Variants in TFDP2 observed in about 807,000 individuals in gnomAD.
TFDP2 encodes transcription factor Dp-2, also known as transcription factor Dp-2 (E2F dimerization partner 2).
In TFDP2, 17 loss-of-function variants were observed where a neutral mutation model predicts 59.3. The observed-to-expected ratio is 0.29, with a 90% CI of 0.20 to 0.43. TFDP2 has a LOEUF of 0.43. Among genes scored for constraint, TFDP2 ranks in the 20% least tolerant of loss-of-function variants. The pLI is 1.00. For missense variants in TFDP2, 391 were observed against 528.8 expected, an observed-to-expected ratio of 0.74 and a Z score of 2.56; for synonymous variants, 180 against 194.7, an observed-to-expected ratio of 0.92 and a Z score of 0.63.
At chr3:142,098,622 G>A (rs1426893716) in intron 2 of TFDP2, among the ~76,000 whole-genome samples, 1 of 152,006 alleles carries the variant, frequency 6.6e-6, no homozygotes, top group East Asian at 1.9e-4. Flanking sequence ...ATACTAAAAA[G>A]GGGCCAGGTG....
chr3:142,072,548 C>G (rs2060283161), intron 3 of TFDP2, among the ~76,000 whole-genome samples: 1 of 152,166 alleles, frequency 6.6e-6, no homozygotes, highest in Non-Finnish European at 1.5e-5. Context: ...GGAATCCATA[C>G]TCTGGAAAAA....
At chr3:141,982,857 T>C (rs890684966) in intron 6 of TFDP2, among the ~76,000 whole-genome samples, 5 of 152,194 alleles carry the variant, frequency 3.3e-5, no homozygotes, top group African/African-American at 7.2e-5. Flanking sequence ...TGAAGAAAAC[T>C]TGGTTAAATA....
intron 8 of TFDP2, among the ~76,000 whole-genome samples, 158 bp from the exon 9 acceptor site, chr3:141,970,299 G>A (rs1939518941): frequency 6.6e-6 from 1 of 152,102 alleles, no homozygotes; most frequent in African/African-American, 2.4e-5. Context: ...TAGGGGGCAG[G>A]GGCTGGAGTG....
chr3:142,004,450 G>GAGTT (rs1944061132), intron 4 of TFDP2, among the ~76,000 whole-genome samples: 2 of 152,160 alleles, frequency 1.3e-5, no homozygotes, highest in African/African-American at 2.4e-5. Flanking sequence ...CGGCAATGAA[G>GAGTT]AGTTATTGCT....
intron 3 of TFDP2, among the ~76,000 whole-genome samples, chr3:142,069,107 G>A (rs1027714596): frequency 6.6e-6 from 1 of 151,954 alleles, no homozygotes; most frequent in South Asian, 2.1e-4. Flanking sequence ...GTAGAGACGA[G>A]GTTTCATCAT....
intron 5 of TFDP2, chr3:141,994,674 C>A (rs1392229694): frequency 6.3e-6 from 1 of 158,856 alleles, no homozygotes; most frequent in Admixed American, 6.5e-5. Flanking sequence ...ATAGCCAACA[C>A]TTAATATTTA....
chr3:142,118,322 T>C (rs55926409), intron 1 of TFDP2, among the ~76,000 whole-genome samples: 12,865 of 152,228 alleles, frequency 0.085, 674 homozygotes, highest in Middle Eastern at 0.14. Context: ...ACCATATGCA[T>C]ACAAATGTAC....
At chr3:142,027,667 G>A (rs546142132) in intron 3 of TFDP2, among the ~76,000 whole-genome samples, 1 of 152,238 alleles carries the variant, frequency 6.6e-6, no homozygotes, top group African/African-American at 2.4e-5. Flanking sequence ...CAAAAAATAA[G>A]ACGTGTCTAA....
chr3:142,010,619 A>C (rs1560025665), intron 3 of TFDP2, among the ~76,000 whole-genome samples: 1 of 151,136 alleles, frequency 6.6e-6, no homozygotes, highest in Non-Finnish European at 1.5e-5. Flanking sequence ...AAAAAAAAAA[A>C]AAAAAAAAAA....
intron 1 of TFDP2, among the ~76,000 whole-genome samples, chr3:142,148,826 T>A (rs1403363190): frequency 6.6e-6 from 1 of 152,184 alleles, no homozygotes; most frequent in Non-Finnish European, 1.5e-5. Context: ...CAGAGGCCTG[T>A]GAGTCATGAA....
intron 3 of TFDP2, among the ~76,000 whole-genome samples, chr3:142,081,484 A>C (rs1323509396): frequency 6.6e-6 from 1 of 152,196 alleles, no homozygotes; most frequent in African/African-American, 2.4e-5. Flanking sequence ...AAGAATAAGG[A>C]TCAGAGCAGA....
chr3:142,094,031 T>C, intron 2 of TFDP2: 1 of 476,766 alleles, frequency 2.1e-6, no homozygotes. Context: ...TTATTTCATT[T>C]AAGGTAATAT....
At chr3:142,026,565 A>G (rs145102637) in intron 3 of TFDP2, among the ~76,000 whole-genome samples, 31 of 152,310 alleles carry the variant, frequency 2.0e-4, no homozygotes, top group Admixed American at 5.9e-4. Flanking sequence ...GGGTATGGCA[A>G]ATATTGAATA....
intron 6 of TFDP2, among the ~76,000 whole-genome samples, chr3:141,980,569 G>C (rs1353153795): frequency 6.6e-6 from 1 of 152,002 alleles, no homozygotes; most frequent in African/African-American, 2.4e-5. Flanking sequence ...TTGAGAAAGA[G>C]TCTCACTCTA....
intron 3 of TFDP2, among the ~76,000 whole-genome samples, chr3:142,066,525 T>C (rs1049584766): frequency 6.6e-6 from 1 of 152,216 alleles, no homozygotes; most frequent in African/African-American, 2.4e-5. Context: ...ATGTAATTTA[T>C]TGAATACTGT....
chr3:141,973,862 C>G (rs1401180194), intron 8 of TFDP2, among the ~76,000 whole-genome samples, 186 bp downstream of exon 8: 1 of 152,014 alleles, frequency 6.6e-6, no homozygotes, highest in Non-Finnish European at 1.5e-5. Flanking sequence ...TCATCATTTG[C>G]AAATTAAACT....
At chr3:142,025,542 C>A (rs1946007792) in intron 3 of TFDP2, among the ~76,000 whole-genome samples, 1 of 152,132 alleles carries the variant, frequency 6.6e-6, no homozygotes. Context: ...ATGATGCTGT[C>A]ACAGTTATGT....
chr3:141,981,306 G>A (rs1265391689), intron 6 of TFDP2, among the ~76,000 whole-genome samples: 1 of 152,166 alleles, frequency 6.6e-6, no homozygotes, highest in Non-Finnish European at 1.5e-5. Context: ...TAAGTGTGTA[G>A]CAGGCTATAC....
rs1335081618 is a variant in TFDP2, at chr3:141,950,159, T to G, written c.*2354A>C. On this transcript the variant is annotated 3_prime_UTR_variant, in exon 13 of 13. Coordinates refer to ENST00000489671, the MANE Select transcript of TFDP2 (RefSeq NM_001178139.2). ...GATCTTGTGTGAAATTGTGACTCAG[T>G]GCTGAGCTTTAGACCCAGATAAATG... is the stretch of plus-strand genomic sequence containing the variant. The G allele has an allele frequency of 6.6e-6, 1 of 152,136 alleles. No individual in the cohort carries two copies. The highest frequency in any genetic ancestry group is 1.5e-5 in the Non-Finnish European group (1 of 68,062). 9.4% of individuals were successfully genotyped at this position (152,136 alleles called of 1,614,324 possible). A position where few individuals can be genotyped will look rare whatever the true frequency, so the allele number is the denominator to read the frequency against.
Sources: gnomAD v4.1 joint callset for allele counts (sites outside exome capture counted in the v4.1 genomes callset) on GRCh38, gnomAD v4.1.1 for gene constraint, MANE v1.5 for transcripts, NCBI Gene and HGNC (gene_info 2026-07-23, HGNC 2026-07-21) for gene names.